The following CADPS2 variants were observed in gnomAD, a reference collection of about 807,000 sequenced individuals.
The protein encoded by CADPS2 is calcium dependent secretion activator 2, also known as calcium-dependent secretion activator 2.
CADPS2 carries 93 observed loss-of-function variants against 172.5 expected under a neutral mutation model. The observed-to-expected ratio is 0.54, with a 90% confidence interval of 0.46 to 0.64. The LOEUF (loss-of-function observed/expected upper bound fraction) is 0.64. Ranked by LOEUF, CADPS2 falls within the 30% of genes least tolerant of loss-of-function variation. The probability of loss-of-function intolerance (pLI) is 0.00; values close to 1 mark genes in which losing one functional copy is unlikely to be tolerated. For synonymous variants in CADPS2, 546 were observed against 555.2 expected (o/e 0.98, Z 0.23); for missense variants, 1,420 against 1,565.9 (o/e 0.91, Z 1.57).
At chr7:122,422,120 G>C (rs1461134693) in intron 17 of CADPS2, 1 of 152,196 alleles carries the variant, frequency 6.6e-6, no homozygotes, top group Non-Finnish European at 1.5e-5. Context: ...AATCAGAAAA[G>C]AGGTGTGGAA....
chr7:122,695,890 A>G (rs1860858), intron 2 of CADPS2, among the ~76,000 whole-genome samples: 151,357 of 152,328 alleles, frequency 0.99, 75,202 homozygotes, highest in Non-Finnish European at 1. Context: ...GGAGAATGAA[A>G]AACACAATTG....
chr7:122,408,630 T>C (rs1358687467), intron 19 of CADPS2, among the ~76,000 whole-genome samples: 1 of 152,194 alleles, frequency 6.6e-6, no homozygotes, highest in Admixed American at 6.5e-5. Flanking sequence ...TTTTGCTATG[T>C]TGGCCAGGCT....
intron 1 of CADPS2, among the ~76,000 whole-genome samples, chr7:122,822,198 C>G (rs955819551): frequency 4.6e-5 from 7 of 151,500 alleles, no homozygotes; most frequent in Admixed American, 1.3e-4. Flanking sequence ...TAGGCACTCT[C>G]TAATCAGATA....
At chr7:122,599,162 G>C (rs1208759235) in intron 6 of CADPS2, among the ~76,000 whole-genome samples, 1 of 152,104 alleles carries the variant, frequency 6.6e-6, no homozygotes, top group African/African-American at 2.4e-5. Flanking sequence ...ACACAGGCCA[G>C]GGAAGTTCAA....
chr7:122,515,339 C>T (rs1481342034), intron 8 of CADPS2, among the ~76,000 whole-genome samples: 1 of 152,090 alleles, frequency 6.6e-6, no homozygotes, highest in Non-Finnish European at 1.5e-5. Context: ...GCTCTAGCTT[C>T]TAATTTCTTC....
chr7:122,580,654 T>C (rs1363695240), intron 7 of CADPS2, among the ~76,000 whole-genome samples: 2 of 152,048 alleles, frequency 1.3e-5, no homozygotes, highest in Non-Finnish European at 2.9e-5. Context: ...ATATATATTC[T>C]AGGTATGAAG....
chr7:122,881,433 A>AT (rs1369201737), intron 1 of CADPS2, among the ~76,000 whole-genome samples: 1 of 152,148 alleles, frequency 6.6e-6, no homozygotes, highest in Non-Finnish European at 1.5e-5. Flanking sequence ...GCAACAAGCA[A>AT]TTTTCCCTGA....
chr7:122,429,057 C>T (rs947413217), intron 17 of CADPS2, among the ~76,000 whole-genome samples: 3 of 151,864 alleles, frequency 2.0e-5, no homozygotes, highest in Non-Finnish European at 4.4e-5. Context: ...TACCACAATG[C>T]TATTATTAGA....
At chr7:122,550,569 A>G (rs900990996) in intron 8 of CADPS2, among the ~76,000 whole-genome samples, 1 of 152,192 alleles carries the variant, frequency 6.6e-6, no homozygotes, top group African/African-American at 2.4e-5. Context: ...TTTAATTGTC[A>G]TAACAGTCAT....
chr7:122,747,374 G>T (rs2092761423), intron 1 of CADPS2, among the ~76,000 whole-genome samples: 1 of 152,086 alleles, frequency 6.6e-6, no homozygotes, highest in Non-Finnish European at 1.5e-5. Flanking sequence ...ATAAGCCAGA[G>T]AAAATTTCTA....
At chr7:122,553,028 G>C (rs1427683117) in intron 8 of CADPS2, among the ~76,000 whole-genome samples, 3 of 152,028 alleles carry the variant, frequency 2.0e-5, no homozygotes, top group Admixed American at 2.0e-4. Context: ...CTGTCATGTA[G>C]CTGGAATGCC....
At chr7:122,797,255 T>C (rs1321954497) in intron 1 of CADPS2, among the ~76,000 whole-genome samples, 1 of 152,196 alleles carries the variant, frequency 6.6e-6, no homozygotes, top group Non-Finnish European at 1.5e-5. Context: ...GGTGGGAGTG[T>C]AAATTAGTTC....
chr7:122,843,225 A>G (rs1249459538), intron 1 of CADPS2, among the ~76,000 whole-genome samples: 3 of 152,094 alleles, frequency 2.0e-5, no homozygotes, highest in African/African-American at 4.8e-5. Context: ...ATCACACATC[A>G]TAAGAGTTGC....
chr7:122,413,229 G>A (rs538476541), intron 19 of CADPS2: 1 of 152,358 alleles, frequency 6.6e-6, no homozygotes, highest in Non-Finnish European at 1.5e-5. Flanking sequence ...TAGATGGAGA[G>A]TTGTCAGATC....
At chr7:122,431,889 C>A (rs1413140953) in intron 17 of CADPS2, among the ~76,000 whole-genome samples, 1 of 131,962 alleles carries the variant, frequency 7.6e-6, no homozygotes, top group Non-Finnish European at 1.5e-5. Context: ...CCACTGCACA[C>A]CAGCCTGGGT....
chr7:122,476,465 G>A (rs930187172), intron 12 of CADPS2, among the ~76,000 whole-genome samples: 2 of 152,016 alleles, frequency 1.3e-5, no homozygotes, highest in Non-Finnish European at 1.5e-5. Context: ...ACGATCTATA[G>A]TTCATTTCTA....
rs1451933879 is a variant in CADPS2 at position 122,491,517 on chromosome 7, TATAAC to T, written c.1543-102_1543-98del. 6 of 589,648 alleles carry T rather than the reference TATAAC, an allele frequency of 1.0e-5. No homozygotes were observed. In the Admixed American group the frequency reaches 1.1e-4, roughly 11 times the overall value. The allele number at this position is 589,648 out of a possible 1,614,324, so 36.5% of individuals were successfully genotyped here. A position where few individuals can be genotyped will look rare whatever the true frequency, so the allele number is the denominator to read the frequency against. ...AAAATACTCTTTTCCCAATTAAAAA[TATAAC>T]ATAATTTGCACATAAATTATTAAAT... On this transcript the variant is annotated intron_variant, in intron 9 of 29. Transcript: ENST00000449022.
intron 1 of CADPS2, among the ~76,000 whole-genome samples, chr7:122,827,530 G>T (rs1190730090): frequency 6.6e-6 from 1 of 151,544 alleles, no homozygotes; most frequent in Non-Finnish European, 1.5e-5. Flanking sequence ...TACTTGGGAG[G>T]CTGAGGCAGG....
chr7:122,641,833 G>T lies in CADPS2; in HGVS notation c.787-12505C>A, dbSNP rs372271959. On this transcript the variant is annotated intron_variant, in intron 3 of 29. Transcript: ENST00000449022. ...AGGATTTTCAGTAACTACAAAAGTT[G>T]TGGCTCTCCAGGAGTTCATATGTTA... is the stretch of plus-strand genomic sequence containing the variant. Among the ~76,000 whole-genome samples, 8 of 151,240 alleles carry T rather than the reference G, an allele frequency of 5.3e-5. 1 individual carries two copies. In the East Asian group the frequency reaches 1.2e-3, roughly 22 times the overall value.
Sources: gnomAD v4.1 joint callset for allele counts (sites outside exome capture counted in the v4.1 genomes callset) on GRCh38, gnomAD v4.1.1 for gene constraint, MANE v1.5 for transcripts, NCBI Gene and HGNC (gene_info 2026-07-23, HGNC 2026-07-21) for gene names.